TBC1D19: variants seen among roughly 807,000 people sequenced by gnomAD.
TBC1D19 encodes the protein TBC1 domain family, member 19.
A neutral mutation model predicts 89.0 loss-of-function variants in TBC1D19; 60 were observed. The ratio of observed to expected loss-of-function variants is 0.67; its 90% confidence interval spans 0.55 to 0.84. The LOEUF (loss-of-function observed/expected upper bound fraction) is 0.84, where lower values mean the gene tolerates loss of function less well. TBC1D19 is among the 40% of genes least tolerant of loss of function. The pLI is 0.00. For synonymous variants in TBC1D19, 189 were observed against 199.7 expected, an observed-to-expected ratio of 0.95 and a Z score of 0.45; for missense variants, 500 against 610.8, an observed-to-expected ratio of 0.82 and a Z score of 1.91.
upstream of TBC1D19, among the ~76,000 whole-genome samples, chr4:26,582,053 T>C (rs1192705923): frequency 6.6e-6 from 1 of 152,154 alleles, no homozygotes; most frequent in Non-Finnish European, 1.5e-5. Flanking sequence ...ATAATTGTTC[T>C]CTTCTTTAAC....
At chr4:26,583,224 G>A (rs538089947), upstream of TBC1D19, among the ~76,000 whole-genome samples, 486 of 152,106 alleles carry the variant, frequency 3.2e-3, 2 homozygotes, top group Middle Eastern at 0.01. Context: ...GGGAGGTGCC[G>A]TTGGCCTTTG....
intron 7 of TBC1D19, among the ~76,000 whole-genome samples, chr4:26,651,387 T>G (rs941230998): frequency 2.0e-5 from 3 of 152,136 alleles, no homozygotes; most frequent in African/African-American, 4.8e-5. Flanking sequence ...CCTCTTTTAT[T>G]TCATTGAGCA....
intron 13 of TBC1D19, among the ~76,000 whole-genome samples, chr4:26,712,236 G>A (rs1222110627): frequency 6.6e-6 from 1 of 152,018 alleles, no homozygotes; most frequent in East Asian, 1.9e-4. Flanking sequence ...TATTATTGCT[G>A]CCATAAATTT....
At chr4:26,734,465 A>C (rs1387345030) in intron 15 of TBC1D19, among the ~76,000 whole-genome samples, 1 of 152,202 alleles carries the variant, frequency 6.6e-6, no homozygotes, top group Non-Finnish European at 1.5e-5. Flanking sequence ...GTTTTGAACT[A>C]AACTGTACAA....
chr4:26,843,044 G>A, the TBC1D19 span, among the ~76,000 whole-genome samples: 54 of 152,148 alleles, frequency 3.5e-4, no homozygotes, highest in Non-Finnish European at 7.1e-4. Context: ...TGCATGATAC[G>A]TTTCTACAGC....
At chr4:26,849,001 C>G in the TBC1D19 span, among the ~76,000 whole-genome samples, 2 of 151,992 alleles carry the variant, frequency 1.3e-5, no homozygotes, top group Non-Finnish European at 2.9e-5. Flanking sequence ...GAGACCCTGT[C>G]TCCACAAAAA....
intron 14 of TBC1D19, among the ~76,000 whole-genome samples, chr4:26,719,191 C>T (rs553251764): frequency 1.8e-3 from 272 of 152,144 alleles, no homozygotes; most frequent in African/African-American, 6.2e-3. Context: ...TGCCTCTCAG[C>T]ATCTAGCCCA....
intron 19 of TBC1D19, among the ~76,000 whole-genome samples, chr4:26,752,243 CT>C (rs758735137): frequency 0.058 from 7,436 of 128,842 alleles, 433 homozygotes; most frequent in African/African-American, 0.2. Flanking sequence ...ATATTTCTTT[CT>C]TTTTTTTTTT....
intron 13 of TBC1D19, among the ~76,000 whole-genome samples, chr4:26,713,507 A>G (rs1338965758): frequency 6.6e-6 from 1 of 152,046 alleles, no homozygotes; most frequent in Admixed American, 6.6e-5. Flanking sequence ...TTTCTCAACA[A>G]TGGAATAAGA....
the TBC1D19 span, among the ~76,000 whole-genome samples, chr4:26,780,345 T>G: frequency 6.6e-6 from 1 of 152,198 alleles, no homozygotes; most frequent in Non-Finnish European, 1.5e-5. Context: ...CATAACCTTT[T>G]TACCCTGCGG....
At chr4:26,590,447 G>T (rs912185731) in intron 1 of TBC1D19, among the ~76,000 whole-genome samples, 7 of 152,166 alleles carry the variant, frequency 4.6e-5, no homozygotes, top group African/African-American at 1.7e-4. Flanking sequence ...TCAAGGTTAT[G>T]CTGGCCTCAT....
intron 1 of TBC1D19, among the ~76,000 whole-genome samples, chr4:26,599,137 G>T (rs1394090933): frequency 6.6e-6 from 1 of 152,078 alleles, no homozygotes; most frequent in African/African-American, 2.4e-5. Context: ...TACTTTAAAA[G>T]AATATGATTA....
At chr4:26,710,208 T>G (rs909025893) in intron 13 of TBC1D19, among the ~76,000 whole-genome samples, 13 of 149,454 alleles carry the variant, frequency 8.7e-5, no homozygotes, top group African/African-American at 3.2e-4. Flanking sequence ...CAGTCCCCAG[T>G]GTGTGATGTT....
upstream of TBC1D19, chr4:26,583,909 T>C: frequency 2.4e-6 from 1 of 421,444 alleles, no homozygotes; most frequent in Non-Finnish European, 4.4e-6. Flanking sequence ...GAATGAGCTT[T>C]CTTGCCTTTC....
chr4:26,630,234 G>A (rs1048823781), intron 4 of TBC1D19, among the ~76,000 whole-genome samples: 1 of 151,736 alleles, frequency 6.6e-6, no homozygotes, highest in Non-Finnish European at 1.5e-5. Flanking sequence ...AATCCTTTGA[G>A]TCAATACCAT....
intron 18 of TBC1D19, among the ~76,000 whole-genome samples, chr4:26,746,198 G>C (rs1018138898): frequency 1.3e-5 from 2 of 150,160 alleles, no homozygotes; most frequent in Non-Finnish European, 3.0e-5. Flanking sequence ...AGAAAAATAA[G>C]GTTTGTTATT....
At chr4:26,715,949 G>T (rs868382940) in intron 13 of TBC1D19, among the ~76,000 whole-genome samples, 1 of 151,964 alleles carries the variant, frequency 6.6e-6, no homozygotes, top group Non-Finnish European at 1.5e-5. Flanking sequence ...ACATATATCC[G>T]CATGCTAAGT....
At chr4:26,626,804 A>G (rs1316618575) in intron 4 of TBC1D19, among the ~76,000 whole-genome samples, 1 of 148,906 alleles carries the variant, frequency 6.7e-6, no homozygotes, top group African/African-American at 2.4e-5. Flanking sequence ...TACCTTGAGG[A>G]TAGAGCTCAA....
intron 15 of TBC1D19, among the ~76,000 whole-genome samples, chr4:26,734,988 GTATATATGTATACACATATGTATA>G (rs1717912853): frequency 8.2e-6 from 1 of 122,114 alleles, no homozygotes; most frequent in Non-Finnish European, 1.9e-5. Flanking sequence ...ATATGTATAT[GTATATATGTATACACATATGTATA>G]TGTGTATACA....
Sources: gnomAD v4.1 joint callset for allele counts (sites outside exome capture counted in the v4.1 genomes callset) on GRCh38, gnomAD v4.1.1 for gene constraint, MANE v1.5 for transcripts, NCBI Gene and HGNC (gene_info 2026-07-23, HGNC 2026-07-21) for gene names.